Variants in DNMBP observed in about 807,000 individuals in gnomAD.
The protein encoded by DNMBP is dynamin-binding protein.
In DNMBP, 87 loss-of-function variants were observed where a neutral mutation model predicts 150.0. The ratio of observed to expected loss-of-function variants is 0.58; its 90% CI spans 0.49 to 0.69. The LOEUF (loss-of-function observed/expected upper bound fraction) is 0.69. Ranked by LOEUF, DNMBP falls within the 30% of genes least tolerant of loss-of-function variation. The probability of loss-of-function intolerance (pLI) is 0.00; values close to 1 mark genes in which losing one functional copy is unlikely to be tolerated. For synonymous variants in DNMBP, 711 were observed against 750.4 expected, an observed-to-expected ratio of 0.95 and a Z score of 0.86; for missense variants, 1,774 against 1,949.0, an observed-to-expected ratio of 0.91 and a Z score of 1.69.
intron 3 of DNMBP, among the ~76,000 whole-genome samples, chr10:99,960,668 G>GT (rs2040554813): frequency 6.6e-6 from 1 of 151,992 alleles, no homozygotes; most frequent in African/African-American, 2.4e-5. Context: ...TAGCCAGGTG[G>GT]GGGGGTGCAC....
At chr10:99,898,847 T>C in intron 7 of DNMBP, 87 bp from the exon 8 acceptor site, 1 of 1,275,938 alleles carries the variant, frequency 7.8e-7, no homozygotes, top group Non-Finnish European at 1.1e-6. Context: ...ACATAAATCA[T>C]GTGGGACAAA....
chr10:99,978,141 C>T (rs2040748002), intron 1 of DNMBP, among the ~76,000 whole-genome samples: 1 of 152,176 alleles, frequency 6.6e-6, no homozygotes, highest in Non-Finnish European at 1.5e-5. Flanking sequence ...ATCCCAGCAC[C>T]ACCACTGAGC....
At chr10:99,916,459 G>A (rs2039966104) in intron 4 of DNMBP, among the ~76,000 whole-genome samples, 4 of 152,090 alleles carry the variant, frequency 2.6e-5, no homozygotes, top group Admixed American at 2.0e-4. Flanking sequence ...AAATAAATAA[G>A]TAAATCCCTC....
intron 4 of DNMBP, among the ~76,000 whole-genome samples, chr10:99,921,313 T>C (rs1343978694): frequency 6.6e-6 from 1 of 152,256 alleles, no homozygotes; most frequent in Non-Finnish European, 1.5e-5. Context: ...TGGATTGCTC[T>C]TTCCTCGAAA....
intron 4 of DNMBP, among the ~76,000 whole-genome samples, chr10:99,915,936 C>A (rs1208206733): frequency 1.3e-5 from 2 of 152,170 alleles, no homozygotes; most frequent in African/African-American, 4.8e-5. Flanking sequence ...GCTATTCTGT[C>A]TCTTTTTTTC....
chr10:99,987,385 T>C (rs560704235), intron 1 of DNMBP, among the ~76,000 whole-genome samples: 1 of 152,128 alleles, frequency 6.6e-6, no homozygotes, highest in East Asian at 1.9e-4. Context: ...TGAAAACCCA[T>C]GAATCTGGGG....
intron 3 of DNMBP, among the ~76,000 whole-genome samples, chr10:99,961,764 C>T (rs1344753529): frequency 2.0e-5 from 3 of 151,390 alleles, no homozygotes; most frequent in Admixed American, 2.0e-4. Context: ...CTGCTAATGG[C>T]TTCTTCCTCA....
intron 15 of DNMBP, 86 bp from the exon 16 acceptor site, chr10:99,880,447 C>T (rs1032092088): frequency 1.4e-6 from 2 of 1,417,506 alleles, no homozygotes; most frequent in African/African-American, 1.4e-5. Flanking sequence ...AAAAACTGAT[C>T]TAGGTTATTC....
At chr10:99,906,557 C>G (rs951528296) in intron 6 of DNMBP, among the ~76,000 whole-genome samples, 1 of 152,176 alleles carries the variant, frequency 6.6e-6, no homozygotes, top group Non-Finnish European at 1.5e-5. Context: ...CTGTCTCAGG[C>G]GTGCTTGCTC....
intron 4 of DNMBP, among the ~76,000 whole-genome samples, chr10:99,911,682 T>C (rs183900080): frequency 1.3e-5 from 2 of 152,316 alleles, no homozygotes; most frequent in Admixed American, 6.5e-5. Context: ...CATTGTACTA[T>C]TGCAATTTTC....
At chr10:99,930,647 C>G in intron 4 of DNMBP, 1 of 703,032 alleles carries the variant, frequency 1.4e-6, no homozygotes, top group Non-Finnish European at 2.6e-6. Flanking sequence ...AGAGTCCATC[C>G]AGCACTGTAA....
chr10:99,935,013 G>A (rs1364016765), intron 4 of DNMBP, among the ~76,000 whole-genome samples: 1 of 135,518 alleles, frequency 7.4e-6, no homozygotes, highest in Non-Finnish European at 1.6e-5. Flanking sequence ...TTGAGCCCGG[G>A]TGGTCAAGGC....
At chr10:99,952,390 G>T (rs911466788) in intron 4 of DNMBP, among the ~76,000 whole-genome samples, 2 of 152,308 alleles carry the variant, frequency 1.3e-5, no homozygotes, top group South Asian at 2.1e-4. Context: ...CTCAGCCAAG[G>T]TTCCCTCAGA....
rs148590655 is a variant in DNMBP, at chr10:99,941,278, A to C, written c.2260+13936T>G. Among the ~76,000 whole-genome samples, 1,280 of 152,236 alleles carry C rather than the reference A, an allele frequency of 8.4e-3. 17 individuals are homozygous for C. Among genetic ancestry groups the C allele is most frequent in the Middle Eastern group, 0.044 (13 of 294 alleles). On this transcript the variant is annotated intron_variant, in intron 4 of 16. Transcript: ENST00000324109. The stretch of plus-strand genomic sequence containing the variant: ...TGCTGGCCCATCTCCCTTGTCTTCC[A>C]TATTCCTAAAGATTGGAATGCCCCA...
intron 15 of DNMBP, among the ~76,000 whole-genome samples, chr10:99,881,637 A>G (rs1267881828): frequency 6.6e-6 from 1 of 152,204 alleles, no homozygotes; most frequent in Admixed American, 6.5e-5. Flanking sequence ...TGAGTAGATA[A>G]AAACTGAAGG....
chr10:99,934,872 G>T (rs2040207735), intron 4 of DNMBP, among the ~76,000 whole-genome samples: 1 of 132,104 alleles, frequency 7.6e-6, no homozygotes, highest in Admixed American at 7.9e-5. Context: ...ACTCAGGCGG[G>T]TGGATCACTT....
intron 1 of DNMBP, among the ~76,000 whole-genome samples, chr10:99,974,857 G>A (rs907816510): frequency 6.6e-6 from 1 of 152,208 alleles, no homozygotes; most frequent in East Asian, 1.9e-4. Flanking sequence ...TCGATATCCA[G>A]GGCTCAAGCA....
intron 1 of DNMBP, among the ~76,000 whole-genome samples, chr10:99,996,902 A>T (rs543088409): frequency 1.2e-4 from 18 of 152,222 alleles, no homozygotes; most frequent in Non-Finnish European, 1.8e-4. Context: ...AATACAAGAA[A>T]ACGGATTTCT....
chr10:99,894,981 T>A lies in DNMBP; in HGVS notation c.3121A>T (p.Ile1041Phe). 1 of 1,614,124 alleles carries A rather than the reference T, an allele frequency of 6.2e-7. No homozygotes were observed. The highest frequency in any genetic ancestry group is 1.3e-5 in the African/African-American group (1 of 75,060). ...RMQERLIKSF[I>F]RDLSLYLQHI... ...TGGAGGTAGAGAGACAGGTCTCGGA[T>A]AAAAGACTTAATCAATCTTTCTTGC... Residue 1041 changes from isoleucine to phenylalanine, a missense_variant, in exon 11 of 17, where the codon ATC (isoleucine) becomes TTC (phenylalanine). This residue lies in a region of DNMBP where 1,430 missense variants were observed against 1,492.5 expected (regional missense o/e 0.96). Coordinates refer to ENST00000324109, the MANE Select transcript of DNMBP (RefSeq NM_015221.4).
Sources: allele counts gnomAD v4.1 joint callset (sites outside exome capture counted in the v4.1 genomes callset), GRCh38; gene constraint gnomAD v4.1.1; regional missense constraint gnomAD v4.1.1; transcripts MANE v1.5; gene names NCBI Gene and HGNC (gene_info 2026-07-23, HGNC 2026-07-21).